KLHDC10: variants seen among roughly 807,000 people sequenced by gnomAD.
KLHDC10 encodes the protein kelch domain-containing protein 10.
Under a neutral mutation model 56.1 loss-of-function variants are expected in KLHDC10, and 24 were observed. That is an observed-to-expected ratio of 0.43 (90% CI 0.31 to 0.60). The LOEUF is 0.60. Among genes scored for constraint, KLHDC10 ranks in the 20% least tolerant of loss-of-function variants. The pLI, the probability that KLHDC10 is intolerant of heterozygous loss-of-function variation, is 0.11. For synonymous variants in KLHDC10, 188 were observed against 207.1 expected, an observed-to-expected ratio of 0.91 and a Z score of 0.79; for missense variants, 349 against 567.0, an observed-to-expected ratio of 0.62 and a Z score of 3.91.
chr7:130,089,761 T>A (rs1047058596), intron 1 of KLHDC10, among the ~76,000 whole-genome samples: 1 of 152,212 alleles, frequency 6.6e-6, no homozygotes, highest in Non-Finnish European at 1.5e-5. Flanking sequence ...AATACAGTAT[T>A]AATTTGCTTC....
At chr7:130,089,352 G>A (rs1795738435) in intron 1 of KLHDC10, among the ~76,000 whole-genome samples, 1 of 152,024 alleles carries the variant, frequency 6.6e-6, no homozygotes, top group South Asian at 2.1e-4. Flanking sequence ...CTCCCTATTG[G>A]GAGACAGAAG....
rs768771813 is a variant in KLHDC10, at chr7:130,116,491, T to C, written c.300T>C (p.Asp100=). The C allele has an allele frequency of 6.2e-7, 1 of 1,614,192 alleles. No individual in the cohort carries two copies. Among genetic ancestry groups the C allele is most frequent in the Non-Finnish European group, 8.5e-7 (1 of 1,180,040 alleles). The part of the protein sequence containing the change: ...PARSGHRCVA[D]NTNLYVFGGY... Reference sequence around the variant, plus strand: ...GAAGTGGACATCGTTGTGTGGCAGATAATACCAACCTATATGTGTTTGGAG... The same window carrying C: ...GAAGTGGACATCGTTGTGTGGCAGACAATACCAACCTATATGTGTTTGGAG... The change falls in exon 3 of 10, where the codon GAT becomes GAC. Residue 100 remains aspartate, a synonymous_variant. Coordinates refer to ENST00000335420, the MANE Select transcript of KLHDC10 (RefSeq NM_014997.4). This position sits in a 1 kb window ranked among gnomAD's most constrained non-coding sequence, Gnocchi z 4.8.
At chr7:130,080,872 T>A (rs1036832114) in intron 1 of KLHDC10, among the ~76,000 whole-genome samples, 1 of 152,246 alleles carries the variant, frequency 6.6e-6, no homozygotes, top group Non-Finnish European at 1.5e-5. Flanking sequence ...GATTTGCAAC[T>A]ACTCATTATC....
chr7:130,124,580 A>G, intron 6 of KLHDC10, 45 bp downstream of exon 6: 1 of 1,008,984 alleles, frequency 9.9e-7, no homozygotes, highest in Non-Finnish European at 1.6e-6. Context: ...AGAAGGATAG[A>G]AGGAGGCTTG....
intron 2 of KLHDC10, among the ~76,000 whole-genome samples, chr7:130,100,406 G>C (rs1000580056): frequency 6.6e-6 from 1 of 152,178 alleles, no homozygotes; most frequent in African/African-American, 2.4e-5. Context: ...TGTAAGCTCT[G>C]TAAGGGCAGG....
chr7:130,097,072 C>A, intron 2 of KLHDC10, 65 bp downstream of exon 2: 1 of 1,127,128 alleles, frequency 8.9e-7, no homozygotes, highest in Non-Finnish European at 1.3e-6. Flanking sequence ...AATGAATTTT[C>A]TAAGCTCAAA....
intron 5 of KLHDC10, among the ~76,000 whole-genome samples, chr7:130,123,141 C>CT (rs1291227457): frequency 3.9e-5 from 6 of 152,168 alleles, no homozygotes; most frequent in Non-Finnish European, 7.3e-5. Context: ...AGATCTATAT[C>CT]TTTCACTTTT....
chr7:130,085,167 T>C (rs1301987551), intron 1 of KLHDC10, among the ~76,000 whole-genome samples: 1 of 151,324 alleles, frequency 6.6e-6, no homozygotes, highest in Non-Finnish European at 1.5e-5. Flanking sequence ...ACCCCGTCTC[T>C]ACTAAAAATA....
At chr7:130,115,734 A>AAAAAAAAAT (rs1448461712) in intron 2 of KLHDC10, among the ~76,000 whole-genome samples, 2 of 151,440 alleles carry the variant, frequency 1.3e-5, no homozygotes, top group Non-Finnish European at 2.9e-5. Context: ...AAAAAAAAAA[A>AAAAAAAAAT]AGTTGATATA....
chr7:130,100,789 A>G (rs75740490), intron 2 of KLHDC10, among the ~76,000 whole-genome samples: 1 of 152,166 alleles, frequency 6.6e-6, no homozygotes, highest in Non-Finnish European at 1.5e-5. Flanking sequence ...TTCTGTCACT[A>G]GATTCCTCTT....
At chr7:130,094,473 A>T (rs1283618795) in intron 1 of KLHDC10, among the ~76,000 whole-genome samples, 1 of 152,168 alleles carries the variant, frequency 6.6e-6, no homozygotes, top group African/African-American at 2.4e-5. Context: ...ATGCCTACTC[A>T]GAGAGCTTGG....
chr7:130,114,786 C>A lies in KLHDC10; in HGVS notation c.254-1659C>A, dbSNP rs528537976. On this transcript the variant is annotated intron_variant, in intron 2 of 9. Transcript: ENST00000335420. Reference sequence around the variant, plus strand: ...CATTTGATGAAAAGGGTGGTGTGCACTAGACTTAGGTATTTCCACAAGTAG... The same window carrying A: ...CATTTGATGAAAAGGGTGGTGTGCAATAGACTTAGGTATTTCCACAAGTAG... Among the ~76,000 whole-genome samples the A allele has an allele frequency of 2.6e-5, 4 of 151,940 alleles. No individual in the cohort carries two copies. The South Asian group carries it at 8.3e-4, about 32-fold the overall frequency.
At chr7:130,121,357 C>T (rs1176553428) in intron 4 of KLHDC10, among the ~76,000 whole-genome samples, 2 of 152,144 alleles carry the variant, frequency 1.3e-5, no homozygotes, top group Non-Finnish European at 2.9e-5. Context: ...GTTTAGGTTC[C>T]AGCGCTTCAA....
intron 1 of KLHDC10, among the ~76,000 whole-genome samples, 155 bp downstream of exon 1, chr7:130,070,964 G>C (rs1308467675): frequency 6.6e-6 from 1 of 152,238 alleles, no homozygotes; most frequent in Non-Finnish European, 1.5e-5. Context: ...AGGTGTCTTT[G>C]AGGTCAGGGA....
intron 1 of KLHDC10, 80 bp from the exon 2 acceptor site, chr7:130,096,841 G>T: frequency 1.0e-6 from 1 of 972,910 alleles, no homozygotes; most frequent in Non-Finnish European, 1.6e-6. Context: ...CTGTTTTTCT[G>T]TCTTTATAAC....
At position 130,070,750 on chromosome 7, in the gene KLHDC10, G is replaced by A. The variant is rs1795395072; in HGVS notation, c.107G>A (p.Gly36Asp). Residue 36 changes from glycine (G) to aspartate (D), a missense_variant, in exon 1 of 10, where the codon GGT (glycine) becomes GAT (aspartate). This residue lies in a region of KLHDC10 where 104 missense variants were observed against 97.0 expected (regional missense o/e 1.07). Coordinates refer to ENST00000335420, the MANE Select transcript of KLHDC10 (RefSeq NM_014997.4). Reference sequence around the variant, plus strand: ...GGCGGGGGCAGTGGGGGCAGCGGGGGTCGGGGGACTGGCCAGCTCAACCGC... The same window carrying A: ...GGCGGGGGCAGTGGGGGCAGCGGGGATCGGGGGACTGGCCAGCTCAACCGC... Reference protein sequence around the residue: ...GAGGGSGGSGGRGTGQLNRFV... With the variant: ...GAGGGSGGSGDRGTGQLNRFV... 8.5e-6 allele frequency: 11 copies of A among 1,299,872 alleles called. No individual in the cohort carries two copies. The South Asian group carries it at 2.5e-4, about 30-fold the overall frequency. 80.5% of individuals were successfully genotyped at this position (1,299,872 alleles called of 1,614,324 possible). A position where few individuals can be genotyped will look rare whatever the true frequency, so the allele number is the denominator to read the frequency against.
intron 1 of KLHDC10, among the ~76,000 whole-genome samples, chr7:130,078,770 G>C (rs1795554569): frequency 6.6e-6 from 1 of 152,144 alleles, no homozygotes; most frequent in African/African-American, 2.4e-5. Flanking sequence ...CACCCTCCTC[G>C]GCCTCCCGAA....
At chr7:130,115,867 A>G (rs1796160371) in intron 2 of KLHDC10, among the ~76,000 whole-genome samples, 1 of 152,116 alleles carries the variant, frequency 6.6e-6, no homozygotes, top group African/African-American at 2.4e-5. Flanking sequence ...AACCTCCATA[A>G]TATCCGGGAT....
intron 2 of KLHDC10, among the ~76,000 whole-genome samples, chr7:130,106,800 T>C (rs913394850): frequency 6.6e-6 from 1 of 151,900 alleles, no homozygotes; most frequent in African/African-American, 2.4e-5. Context: ...CAACACTCTG[T>C]CTCTAAGAAA....
Sources: allele counts gnomAD v4.1 joint callset (sites outside exome capture counted in the v4.1 genomes callset), GRCh38; gene constraint gnomAD v4.1.1; regional missense constraint gnomAD v4.1.1; non-coding constraint Gnocchi (gnomAD v3.1); transcripts MANE v1.5; gene names NCBI Gene and HGNC (gene_info 2026-07-23, HGNC 2026-07-21).